Variants in PLXNA4 observed in about 807,000 individuals in gnomAD.
The protein encoded by PLXNA4 is plexin A4.
A neutral mutation model predicts 191.8 loss-of-function variants in PLXNA4; 44 were observed. That is an observed-to-expected ratio of 0.23 (90% CI 0.18 to 0.29). The LOEUF (loss-of-function observed/expected upper bound fraction) is 0.29. Ranked by LOEUF, PLXNA4 falls within the 10% of genes least tolerant of loss-of-function variation. The probability of loss-of-function intolerance (pLI) is 1.00; values close to 1 mark genes in which losing one functional copy is unlikely to be tolerated. For synonymous variants in PLXNA4, 1,082 were observed against 1,009.5 expected (o/e 1.07, Z -1.36); for missense variants, 1,800 against 2,488.8 (o/e 0.72, Z 5.89).
chr7:132,626,633 T>A (rs752416367), intron 2 of PLXNA4, among the ~76,000 whole-genome samples: 11 of 152,208 alleles, frequency 7.2e-5, no homozygotes, highest in Non-Finnish European at 1.2e-4. Flanking sequence ...TTCCACCATG[T>A]GTAAAAGCTC....
intron 2 of PLXNA4, among the ~76,000 whole-genome samples, chr7:132,619,704 T>C (rs1053279681): frequency 1.3e-5 from 2 of 152,274 alleles, no homozygotes; most frequent in Non-Finnish European, 2.9e-5. Context: ...GATCAACTAC[T>C]TGATTTTAGC....
At chr7:132,307,449 A>G (rs145979742) in intron 3 of PLXNA4, among the ~76,000 whole-genome samples, 147 of 152,354 alleles carry the variant, frequency 9.6e-4, no homozygotes, top group Middle Eastern at 3.4e-3. Context: ...GCCACAGAGT[A>G]GGTGCTCAAT....
chr7:132,173,196 G>C (rs1267860556), intron 21 of PLXNA4, among the ~76,000 whole-genome samples: 1 of 152,142 alleles, frequency 6.6e-6, no homozygotes, highest in African/African-American at 2.4e-5. Flanking sequence ...AGGGCCCTAA[G>C]AGAATCCTGG....
In PLXNA4 at chr7:132,298,176, A is replaced by G; in HGVS notation, c.1418T>C (p.Val473Ala). ...PRGNALQYETVQVVDPGPVLR... is the reference protein window; with the variant it reads ...PRGNALQYETAQVVDPGPVLR... Reference sequence around the variant, plus strand: ...GACTGGGCCGGGGTCCACCACCTGCACCGTCTCATACTGGAGGGCGTTGCC... The same window carrying G: ...GACTGGGCCGGGGTCCACCACCTGCGCCGTCTCATACTGGAGGGCGTTGCC... The change falls in exon 4 of 32, where the codon GTG becomes GCG. Residue 473 changes from valine (V) to alanine (A), a missense_variant. This residue lies in a region of PLXNA4 where 1,397 missense variants were observed against 1,880.4 expected (regional missense o/e 0.74). Transcript: ENST00000321063. The G allele has an allele frequency of 6.2e-7, 1 of 1,614,160 alleles. No homozygotes were observed. The highest frequency in any genetic ancestry group is 8.5e-7 in the Non-Finnish European group (1 of 1,180,022).
chr7:132,512,799 T>C lies in PLXNA4; in HGVS notation c.-86-4020A>G, dbSNP rs899318914. On this transcript the variant is annotated intron_variant, in intron 1 of 31. Coordinates refer to ENST00000321063, the MANE Select transcript of PLXNA4 (RefSeq NM_020911.2). Reference sequence around the variant, plus strand: ...TTCCCTTCCAGGATGTCAATTCTTGTAAGCGGTAACCCCAACCTAGGAAAC... The same window carrying C: ...TTCCCTTCCAGGATGTCAATTCTTGCAAGCGGTAACCCCAACCTAGGAAAC... 2.0e-5 allele frequency among the ~76,000 whole-genome samples: 3 copies of C among 152,164 alleles called. No homozygotes were observed. The South Asian group carries it at 6.2e-4, about 32-fold the overall frequency.
chr7:132,374,290 G>A (rs1275417604), intron 3 of PLXNA4, among the ~76,000 whole-genome samples: 1 of 152,190 alleles, frequency 6.6e-6, no homozygotes, highest in Non-Finnish European at 1.5e-5. Context: ...GGGAGATTGT[G>A]TTCATTAGGA....
At chr7:132,563,403 TCCTCC>T (rs1801458184) in intron 1 of PLXNA4, among the ~76,000 whole-genome samples, 1 of 91,788 alleles carries the variant, frequency 1.1e-5, no homozygotes, top group Admixed American at 1.1e-4. Flanking sequence ...TTTCTCCTCC[TCCTCC>T]TCTCCCTCCT....
chr7:132,199,618 G>A (rs1338019449), intron 12 of PLXNA4, among the ~76,000 whole-genome samples: 2 of 152,200 alleles, frequency 1.3e-5, no homozygotes, highest in African/African-American at 4.8e-5. Flanking sequence ...ATGTCAGCAG[G>A]ATTAGAATGG....
chr7:132,228,985 A>C (rs1798431143), intron 5 of PLXNA4, among the ~76,000 whole-genome samples: 1 of 152,152 alleles, frequency 6.6e-6, no homozygotes, highest in African/African-American at 2.4e-5. Flanking sequence ...CAAAGTGAAG[A>C]GCTTCCTCCT....
chr7:132,614,930 A>G (rs76470218), intron 2 of PLXNA4, among the ~76,000 whole-genome samples: 2,109 of 152,200 alleles, frequency 0.014, 50 homozygotes, highest in Middle Eastern at 0.031. Flanking sequence ...CAAGTTCCAG[A>G]GCCTTCCGGA....
chr7:132,249,336 T>G (rs1799166732), intron 4 of PLXNA4, among the ~76,000 whole-genome samples: 1 of 152,204 alleles, frequency 6.6e-6, no homozygotes, highest in African/African-American at 2.4e-5. Flanking sequence ...TTGTTGCTAT[T>G]AATAAGAATA....
intron 1 of PLXNA4, among the ~76,000 whole-genome samples, chr7:132,532,801 C>T (rs1799673158): frequency 6.6e-6 from 1 of 152,220 alleles, no homozygotes; most frequent in South Asian, 2.1e-4. Context: ...CCTGTGCTTT[C>T]CTGTTGTCAT....
intron 3 of PLXNA4, among the ~76,000 whole-genome samples, chr7:132,360,028 C>T (rs1330899106): frequency 6.6e-6 from 1 of 152,162 alleles, no homozygotes; most frequent in Non-Finnish European, 1.5e-5. Flanking sequence ...TTCTCATTTG[C>T]CATGGAGTTC....
chr7:132,202,233 A>T (rs1255488741), intron 12 of PLXNA4, among the ~76,000 whole-genome samples: 1 of 151,672 alleles, frequency 6.6e-6, no homozygotes, highest in Non-Finnish European at 1.5e-5. Flanking sequence ...GACCTTCTTC[A>T]CCTCCCCAGA....
At chr7:132,229,055 A>G (rs150600693) in intron 5 of PLXNA4, among the ~76,000 whole-genome samples, 30 of 152,304 alleles carry the variant, frequency 2.0e-4, no homozygotes, top group African/African-American at 6.5e-4. Flanking sequence ...CTTAGATTGT[A>G]TGACAATTAT....
intron 2 of PLXNA4, among the ~76,000 whole-genome samples, chr7:132,642,336 T>C (rs955505306): frequency 1.3e-5 from 2 of 152,148 alleles, no homozygotes; most frequent in African/African-American, 2.4e-5. Flanking sequence ...AATAAATGTA[T>C]TAAAATTCCT....
chr7:132,634,604 C>T (rs1235271703), intron 2 of PLXNA4, among the ~76,000 whole-genome samples: 1 of 152,222 alleles, frequency 6.6e-6, no homozygotes, highest in African/African-American at 2.4e-5. Context: ...GCCCCTGGGC[C>T]TTTGCACATG....
chr7:132,604,096 T>C (rs911678311), intron 2 of PLXNA4, among the ~76,000 whole-genome samples: 1 of 151,486 alleles, frequency 6.6e-6, no homozygotes, highest in Non-Finnish European at 1.5e-5. Context: ...GTTCCTTGTG[T>C]TGCAAGGGTG....
intron 3 of PLXNA4, among the ~76,000 whole-genome samples, chr7:132,302,749 C>T: frequency 6.6e-6 from 1 of 151,858 alleles, no homozygotes; most frequent in South Asian, 2.1e-4. Context: ...ACAGCCCATG[C>T]CAGAAAGAAA....
Sources: gnomAD v4.1 joint callset for allele counts (sites outside exome capture counted in the v4.1 genomes callset) on GRCh38, gnomAD v4.1.1 for gene constraint, gnomAD v4.1.1 regional missense constraint, MANE v1.5 for transcripts, NCBI Gene and HGNC (gene_info 2026-07-23, HGNC 2026-07-21) for gene names.